Variants in RIC1 observed in about 807,000 individuals in gnomAD.
RIC1 encodes RIC1 partner of RAB6A GEF complex, also known as guanine nucleotide exchange factor subunit RIC1.
A neutral mutation model predicts 169.0 loss-of-function variants in RIC1; 88 were observed. That is an observed-to-expected ratio of 0.52 (90% confidence interval 0.44 to 0.62). RIC1 has a LOEUF of 0.62. RIC1 is among the 20% of genes least tolerant of loss of function. The pLI is 0.00. For missense variants in RIC1, 1,877 were observed against 1,725.5 expected, an observed-to-expected ratio of 1.09 and a Z score of -1.56; for synonymous variants, 790 against 601.5, an observed-to-expected ratio of 1.31 and a Z score of -4.59.
At chr9:5,674,750 CCTT>C (rs1820342400) in intron 2 of RIC1, among the ~76,000 whole-genome samples, 1 of 152,198 alleles carries the variant, frequency 6.6e-6, no homozygotes, top group Admixed American at 6.5e-5. Context: ...ACCATACCCT[CCTT>C]CTCTCCCCTC....
chr9:5,653,815 C>G (rs1818938404), intron 1 of RIC1, among the ~76,000 whole-genome samples: 1 of 152,022 alleles, frequency 6.6e-6, no homozygotes, highest in South Asian at 2.1e-4. Flanking sequence ...CCAGGTTGGT[C>G]TCAAACTTTT....
intron 6 of RIC1, among the ~76,000 whole-genome samples, chr9:5,728,876 C>A (rs1824177238): frequency 6.6e-6 from 1 of 152,166 alleles, no homozygotes; most frequent in South Asian, 2.1e-4. Context: ...GTGACAGAGA[C>A]CTAAAATTAA....
chr9:5,763,114 C>G lies in RIC1; in HGVS notation c.2113-26C>G, dbSNP rs1378275346. 3.1e-6 allele frequency: 5 copies of G among 1,602,194 alleles called. No individual in the cohort carries two copies. The highest frequency in any genetic ancestry group is 1.3e-5 in the African/African-American group (1 of 74,562). ...ACCTGCAGATTTAATAGGAAAACAACTTGATTCTTGTCTCTCCTTCTCCAG... is the reference window on the plus strand; with the variant it reads ...ACCTGCAGATTTAATAGGAAAACAAGTTGATTCTTGTCTCTCCTTCTCCAG... On this transcript the variant is annotated intron_variant, in intron 18 of 25. Transcript: ENST00000414202. This position sits in a 1 kb window ranked among gnomAD's most constrained non-coding sequence, Gnocchi z 5.2.
chr9:5,759,272 A>G (rs1402566173), intron 17 of RIC1, among the ~76,000 whole-genome samples: 3 of 152,218 alleles, frequency 2.0e-5, no homozygotes, highest in African/African-American at 7.2e-5. Context: ...CAGATATGGT[A>G]TGCTTCTTGA....
At chr9:5,705,312 T>C (rs1235851439) in intron 3 of RIC1, among the ~76,000 whole-genome samples, 1 of 151,792 alleles carries the variant, frequency 6.6e-6, no homozygotes. Flanking sequence ...GAACATAATA[T>C]ACCTTTCCAA....
chr9:5,708,169 A>G (rs1464772521), intron 3 of RIC1, among the ~76,000 whole-genome samples: 2 of 152,142 alleles, frequency 1.3e-5, no homozygotes, highest in South Asian at 2.1e-4. Flanking sequence ...TCTCAAAACT[A>G]TGTTCCCGTA....
At chr9:5,749,845 C>G (rs1235137788) in intron 12 of RIC1, among the ~76,000 whole-genome samples, 1 of 124,598 alleles carries the variant, frequency 8.0e-6, no homozygotes, top group Admixed American at 1.1e-4. Flanking sequence ...GTGGCGTGAT[C>G]TCAGCTCACT....
chr9:5,683,494 C>T (rs996228960), intron 2 of RIC1, among the ~76,000 whole-genome samples: 13 of 152,260 alleles, frequency 8.5e-5, no homozygotes, highest in East Asian at 5.8e-4. Flanking sequence ...GCTGCCTGAT[C>T]GTTGCTCTGG....
chr9:5,777,922 T>G (rs73639510), downstream of RIC1, among the ~76,000 whole-genome samples: 909 of 152,306 alleles, frequency 6.0e-3, 12 homozygotes, highest in African/African-American at 0.02. Flanking sequence ...TTTTCTAGGT[T>G]GTTTTGGCTA....
intron 2 of RIC1, among the ~76,000 whole-genome samples, chr9:5,679,210 G>A (rs911242013): frequency 6.6e-6 from 1 of 152,138 alleles, no homozygotes; most frequent in Non-Finnish European, 1.5e-5. Context: ...CTATATCTCT[G>A]TTTTGGTACC....
chr9:5,756,688 T>C (rs1385318362), intron 16 of RIC1, among the ~76,000 whole-genome samples: 3 of 152,170 alleles, frequency 2.0e-5, no homozygotes, highest in African/African-American at 4.8e-5. Context: ...CTCCTGGTGC[T>C]CTCGATACTT....
chr9:5,738,492 C>T lies in RIC1; in HGVS notation c.855C>T (p.Ala285=). 1 of 1,603,614 alleles carries T rather than the reference C, an allele frequency of 6.2e-7. No individual in the cohort carries two copies. Among genetic ancestry groups the T allele is most frequent in the Non-Finnish European group, 8.5e-7 (1 of 1,176,984 alleles). Residue 285 remains alanine, a synonymous_variant, in exon 8 of 26, where the codon GCC becomes GCT. Transcript: ENST00000414202. The part of the protein sequence containing the change: ...QVYTIDNSTG[A]MLLSHKLELT... ...ATACAATAGATAACAGCACTGGAGC[C>T]ATGCTGCTATCTCATAAATTAGAGC...
At chr9:5,742,763 C>T in intron 8 of RIC1, 106 bp from the exon 9 acceptor site, 1 of 995,616 alleles carries the variant, frequency 1.0e-6, no homozygotes, top group Non-Finnish European at 1.5e-6. Context: ...TCATACCTTT[C>T]TACTCATTTA....
chr9:5,753,504 A>C, intron 13 of RIC1, 32 bp from the exon 14 acceptor site: 2 of 1,368,062 alleles, frequency 1.5e-6, no homozygotes, highest in Non-Finnish European at 2.0e-6. Flanking sequence ...ATAGGTTTGC[A>C]AGGAAAAGTT....
chr9:5,750,203 C>CATT (rs1412978379), intron 12 of RIC1, among the ~76,000 whole-genome samples: 1 of 151,842 alleles, frequency 6.6e-6, no homozygotes, highest in East Asian at 1.9e-4. Flanking sequence ...TTACAGAACA[C>CATT]AAAGTTTCTA....
At position 5,679,478 on chromosome 9, in the gene RIC1, A is replaced by C. The variant is rs1410285378; in HGVS notation, c.253-10481A>C. On this transcript the variant is annotated intron_variant, in intron 2 of 25. Transcript: ENST00000414202. ...TGATTCTTCCTATCCATGAGCATGGAAAGTTCTTCCATTTGTTTGTATCCT... is the reference window on the plus strand; with the variant it reads ...TGATTCTTCCTATCCATGAGCATGGCAAGTTCTTCCATTTGTTTGTATCCT... 4.6e-5 allele frequency among the ~76,000 whole-genome samples: 7 copies of C among 152,332 alleles called. No individual in the cohort carries two copies. The East Asian group carries it at 7.7e-4, about 17-fold the overall frequency.
chr9:5,641,115 G>A (rs1368776974), intron 1 of RIC1, among the ~76,000 whole-genome samples: 64 of 146,470 alleles, frequency 4.4e-4, no homozygotes, highest in Non-Finnish European at 1.0e-4. Flanking sequence ...TTTTTTGGAC[G>A]GGGTCTTGCT....
At chr9:5,711,426 C>A (rs1003103809) in intron 3 of RIC1, among the ~76,000 whole-genome samples, 16 of 152,138 alleles carry the variant, frequency 1.1e-4, no homozygotes, top group African/African-American at 3.9e-4. Flanking sequence ...TATTACCCAA[C>A]AGAATTAATA....
At chr9:5,635,857 C>T (rs988157538) in intron 1 of RIC1, among the ~76,000 whole-genome samples, 1 of 152,172 alleles carries the variant, frequency 6.6e-6, no homozygotes, top group African/African-American at 2.4e-5. Flanking sequence ...TCCCCTTCTG[C>T]CATGATTGTA....
Sources: gnomAD v4.1 joint callset for allele counts (sites outside exome capture counted in the v4.1 genomes callset) on GRCh38, gnomAD v4.1.1 for gene constraint, Gnocchi (gnomAD v3.1) non-coding constraint, MANE v1.5 for transcripts, NCBI Gene and HGNC (gene_info 2026-07-23, HGNC 2026-07-21) for gene names.